Variants in VWA3B observed in about 807,000 individuals in gnomAD.
VWA3B encodes the protein von Willebrand factor A domain-containing protein 3B.
A neutral mutation model predicts 158.3 loss-of-function variants in VWA3B; 138 were observed. That is an observed-to-expected ratio of 0.87 (90% CI 0.76 to 1.00). VWA3B has a LOEUF of 1.00. Ranked by LOEUF, VWA3B falls within the 50% of genes least tolerant of loss-of-function variation. VWA3B has a pLI of 0.00. For missense variants in VWA3B, 1,555 were observed against 1,565.1 expected, an observed-to-expected ratio of 0.99 and a Z score of 0.11; for synonymous variants, 596 against 587.3, an observed-to-expected ratio of 1.01 and a Z score of -0.21.
chr2:98,092,274 C>T (rs1170540080), intron 1 of VWA3B, among the ~76,000 whole-genome samples: 1 of 152,192 alleles, frequency 6.6e-6, no homozygotes, highest in Non-Finnish European at 1.5e-5. Context: ...TATTGGAATA[C>T]AGATGTGTAG....
chr2:98,123,099 G>A (rs1675094270), intron 5 of VWA3B, among the ~76,000 whole-genome samples: 1 of 152,210 alleles, frequency 6.6e-6, no homozygotes, highest in African/African-American at 2.4e-5. Flanking sequence ...TGTGGCAGGG[G>A]GGAGTGGGTT....
Position 98,218,155 on chromosome 2 carries a change from G to A in VWA3B, c.2019+127G>A, listed in dbSNP as rs752267414. The A allele has an allele frequency of 4.6e-4, 481 of 1,039,802 alleles. 1 individual carries two copies. Among genetic ancestry groups the A allele is most frequent in the Non-Finnish European group, 6.0e-4 (447 of 744,802 alleles). 64.4% of individuals were successfully genotyped at this position (1,039,802 alleles called of 1,614,324 possible). A position where few individuals can be genotyped will look rare whatever the true frequency, so the allele number is the denominator to read the frequency against. On this transcript the variant is annotated intron_variant, in intron 14 of 27. Coordinates refer to ENST00000477737, the MANE Select transcript of VWA3B (RefSeq NM_144992.5). ...GATAACTAAGTCAAAAAAATGAGTC[G>A]CTTAACAATGAGTGTACCAGTGTTT... is the stretch of plus-strand genomic sequence containing the variant.
downstream of VWA3B, among the ~76,000 whole-genome samples, chr2:98,314,217 G>A (rs893658715): frequency 2.0e-5 from 3 of 152,228 alleles, no homozygotes; most frequent in South Asian, 2.1e-4. Context: ...AAGGTAGCTG[G>A]AGTTTACCAG....
intron 6 of VWA3B, among the ~76,000 whole-genome samples, chr2:98,131,471 G>A (rs954829731): frequency 3.9e-5 from 6 of 152,136 alleles, no homozygotes; most frequent in Non-Finnish European, 5.9e-5. Context: ...ACCTGGTAGT[G>A]GGATTGTTGG....
At chr2:98,151,828 G>A (rs1369516730) in intron 7 of VWA3B, among the ~76,000 whole-genome samples, 1 of 152,206 alleles carries the variant, frequency 6.6e-6, no homozygotes, top group Non-Finnish European at 1.5e-5. Context: ...GAAATGTCTA[G>A]CACAAAATTG....
chr2:98,311,326 C>G (rs1690877942), intron 26 of VWA3B, among the ~76,000 whole-genome samples: 1 of 152,192 alleles, frequency 6.6e-6, no homozygotes, highest in Admixed American at 6.5e-5. Flanking sequence ...CATAGTCATT[C>G]CTAAGTTCAA....
At chr2:98,301,287 C>CA (rs964553899) in intron 25 of VWA3B, among the ~76,000 whole-genome samples, 150 of 130,694 alleles carry the variant, frequency 1.1e-3, no homozygotes, top group South Asian at 1.9e-3. Context: ...AAGACTGTCT[C>CA]AAAAAAAAAC....
At chr2:98,092,854 A>ATG (rs1682437514) in intron 1 of VWA3B, among the ~76,000 whole-genome samples, 1 of 136,544 alleles carries the variant, frequency 7.3e-6, no homozygotes, top group Non-Finnish European at 1.6e-5. Context: ...ATATATATAT[A>ATG]TATATAGTTG....
At chr2:98,258,495 C>T (rs10204382) in intron 21 of VWA3B, among the ~76,000 whole-genome samples, 1 of 151,770 alleles carries the variant, frequency 6.6e-6, no homozygotes, top group Non-Finnish European at 1.5e-5. Flanking sequence ...CATAGAATGT[C>T]TTTCCATTTA....
chr2:98,230,358 A>C, intron 16 of VWA3B, 151 bp downstream of exon 16: 1 of 757,214 alleles, frequency 1.3e-6, no homozygotes, highest in Non-Finnish European at 1.9e-6. Context: ...GTACATTCAC[A>C]TGATCTTATA....
At chr2:98,303,297 G>A (rs1262773756) in intron 25 of VWA3B, among the ~76,000 whole-genome samples, 2 of 152,032 alleles carry the variant, frequency 1.3e-5, no homozygotes, top group Non-Finnish European at 2.9e-5. Flanking sequence ...GGTGGAGGGG[G>A]AAGGATACTG....
intron 10 of VWA3B, among the ~76,000 whole-genome samples, chr2:98,189,385 G>A (rs1681393735): frequency 6.6e-6 from 1 of 152,168 alleles, no homozygotes; most frequent in African/African-American, 2.4e-5. Flanking sequence ...GTGACAGTGC[G>A]ATTGTGTTGT....
intron 7 of VWA3B, among the ~76,000 whole-genome samples, chr2:98,154,629 G>C (rs1387320717): frequency 2.6e-5 from 4 of 152,184 alleles, no homozygotes; most frequent in African/African-American, 9.7e-5. Context: ...GGTGGGCTCA[G>C]CCCAGGGCTT....
At chr2:98,236,881 G>A (rs1685735202) in intron 19 of VWA3B, 151 bp downstream of exon 19, 39 of 1,191,780 alleles carry the variant, frequency 3.3e-5, no homozygotes, top group Non-Finnish European at 4.2e-5. Context: ...GGGAGAGAGA[G>A]AGGCTTTTAA....
intron 10 of VWA3B, among the ~76,000 whole-genome samples, 161 bp downstream of exon 10, chr2:98,188,290 G>T (rs1376575805): frequency 6.6e-6 from 1 of 152,128 alleles, no homozygotes; most frequent in Non-Finnish European, 1.5e-5. Flanking sequence ...AATGTACAAA[G>T]ATCAAATCAG....
chr2:98,258,970 T>A (rs143854319), intron 21 of VWA3B, among the ~76,000 whole-genome samples: 5 of 151,906 alleles, frequency 3.3e-5, no homozygotes, highest in Non-Finnish European at 7.4e-5. Flanking sequence ...GTTTTTATCA[T>A]GAAAAGTGTG....
chr2:98,229,994 G>A, intron 15 of VWA3B, 56 bp from the exon 16 acceptor site: 1 of 1,511,044 alleles, frequency 6.6e-7, no homozygotes, highest in South Asian at 1.4e-5. Context: ...CCTTCTTGAT[G>A]GAAATTTTCT....
At chr2:98,137,965 GA>G (rs796771862) in intron 7 of VWA3B, among the ~76,000 whole-genome samples, 11 of 152,154 alleles carry the variant, frequency 7.2e-5, no homozygotes, top group African/African-American at 2.4e-4. Flanking sequence ...AGTGTTCTGG[GA>G]AAAAATTACC....
Position 98,143,599 on chromosome 2 carries a change from C to T in VWA3B, c.988+9660C>T, listed in dbSNP as rs1246895592. On this transcript the variant is annotated intron_variant, in intron 7 of 27. Transcript: ENST00000477737. Reference sequence around the variant, plus strand: ...GGTGGGGAGGCAGAGAGGAATGAGGCACTGTCCTATATTCAGGGAACTCAA... The same window carrying T: ...GGTGGGGAGGCAGAGAGGAATGAGGTACTGTCCTATATTCAGGGAACTCAA... Among the ~76,000 whole-genome samples, 4 of 151,948 alleles carry T rather than the reference C, an allele frequency of 2.6e-5. No individual in the cohort carries two copies. In the East Asian group the frequency reaches 5.8e-4, roughly 22 times the overall value.
Sources: allele counts gnomAD v4.1 joint callset (sites outside exome capture counted in the v4.1 genomes callset), GRCh38; gene constraint gnomAD v4.1.1; transcripts MANE v1.5; gene names NCBI Gene and HGNC (gene_info 2026-07-23, HGNC 2026-07-21).